NDST4: variants seen among roughly 807,000 people sequenced by gnomAD.
NDST4 encodes the protein N-deacetylase and N-sulfotransferase 4, also known as N-heparan sulfate sulfotransferase 4.
Under a neutral mutation model 100.8 loss-of-function variants are expected in NDST4, and 63 were observed. That is an observed-to-expected ratio of 0.62 (90% CI 0.51 to 0.77). The LOEUF is 0.77. Ranked by LOEUF, NDST4 falls within the 30% of genes least tolerant of loss-of-function variation. The pLI, the probability that NDST4 is intolerant of heterozygous loss-of-function variation, is 0.00. For missense variants in NDST4, 943 were observed against 1,018.4 expected, an observed-to-expected ratio of 0.93 and a Z score of 1.01; for synonymous variants, 377 against 361.8, an observed-to-expected ratio of 1.04 and a Z score of -0.48.
intron 2 of NDST4, among the ~76,000 whole-genome samples, chr4:115,071,102 C>T (rs1428698349): frequency 1.3e-5 from 2 of 150,754 alleles, no homozygotes; most frequent in Admixed American, 1.3e-4. Flanking sequence ...GAGCAAGACT[C>T]CATTTCAAAA....
chr4:115,075,472 C>T (rs1031296783), intron 2 of NDST4, among the ~76,000 whole-genome samples: 3 of 152,024 alleles, frequency 2.0e-5, no homozygotes, highest in Non-Finnish European at 2.9e-5. Flanking sequence ...ATGGTTCTAG[C>T]TGGGATGGGA....
In NDST4 at chr4:115,071,558, T is replaced by C. The variant is rs75025773; in HGVS notation, c.978+4501A>G. On this transcript the variant is annotated intron_variant, in intron 2 of 13. Coordinates refer to ENST00000264363, the MANE Select transcript of NDST4 (RefSeq NM_022569.3). ...ATTTCAAATTCAAATAGGTATTTCA[T>C]ATGAATTGAAATATATATGAAATAC... Among the ~76,000 whole-genome samples, 29 of 152,270 alleles carry C rather than the reference T, an allele frequency of 1.9e-4. No homozygotes were observed. The East Asian group carries it at 5.0e-3, about 26-fold the overall frequency.
At chr4:114,854,034 G>T (rs1723736620) in intron 7 of NDST4, among the ~76,000 whole-genome samples, 1 of 151,932 alleles carries the variant, frequency 6.6e-6, no homozygotes, top group African/African-American at 2.4e-5. Context: ...TAGTCACCTT[G>T]TTGTGCTGTT....
intron 2 of NDST4, among the ~76,000 whole-genome samples, chr4:115,064,536 A>T (rs1053515087): frequency 6.6e-6 from 1 of 152,074 alleles, no homozygotes; most frequent in African/African-American, 2.4e-5. Context: ...GGAGTTCCAA[A>T]TTCCAAATTC....
Position 115,076,127 on chromosome 4 carries a change from T to G in NDST4, c.910A>C (p.Ile304Leu). The change falls in exon 2 of 14, where the codon ATC becomes CTC. Residue 304 changes from isoleucine to leucine, a missense_variant. By Grantham distance (5) the Ile-to-Leu change is conservative. Transcript: ENST00000264363. ...AATATATCATCAATGTCCACAAGGATGTACCTGTCCAAGGACAATGTCAGC... is the reference window on the plus strand; with the variant it reads ...AATATATCATCAATGTCCACAAGGAGGTACCTGTCCAAGGACAATGTCAGC... ...KRLTLSLDRY[I>L]LVDIDDIFVG... 1 of 1,613,966 alleles carries G rather than the reference T, an allele frequency of 6.2e-7. No homozygotes were observed. Among genetic ancestry groups the G allele is most frequent in the African/African-American group, 1.3e-5 (1 of 75,062 alleles).
chr4:114,929,149 T>TATCTATC (rs1725458944), intron 6 of NDST4, among the ~76,000 whole-genome samples: 2 of 151,760 alleles, frequency 1.3e-5, no homozygotes, highest in African/African-American at 4.8e-5. Context: ...TCTATCTATC[T>TATCTATC]ATCTATCTAT....
At chr4:114,960,001 T>A (rs1267485361) in intron 4 of NDST4, among the ~76,000 whole-genome samples, 1 of 152,134 alleles carries the variant, frequency 6.6e-6, no homozygotes, top group Non-Finnish European at 1.5e-5. Context: ...CATAAAAATT[T>A]TGAAAACAAA....
chr4:114,893,643 C>T (rs982765553), intron 6 of NDST4, among the ~76,000 whole-genome samples: 1 of 151,798 alleles, frequency 6.6e-6, no homozygotes, highest in East Asian at 1.9e-4. Flanking sequence ...GATATTAGAC[C>T]TCTGTCATAT....
intron 6 of NDST4, among the ~76,000 whole-genome samples, chr4:114,898,227 T>G (rs1426691949): frequency 6.6e-6 from 1 of 152,212 alleles, no homozygotes; most frequent in Admixed American, 6.5e-5. Context: ...TTTGGGTTAA[T>G]TTTTGTGAAG....
At position 114,833,585 on chromosome 4, in the gene NDST4, C is replaced by G. The variant is rs376815006; in HGVS notation, c.2396+21G>C. 4 of 1,460,768 alleles carry G rather than the reference C, an allele frequency of 2.7e-6. No individual in the cohort carries two copies. In the African/African-American group the frequency reaches 5.6e-5, roughly 20 times the overall value. 90.5% of individuals were successfully genotyped at this position (1,460,768 alleles called of 1,614,324 possible). A position where few individuals can be genotyped will look rare whatever the true frequency, so the allele number is the denominator to read the frequency against. ...TGATGGCAAATAATGGAAATGAAATCAAGCATGACAATAGACTCACGTTAG... is the reference window on the plus strand; with the variant it reads ...TGATGGCAAATAATGGAAATGAAATGAAGCATGACAATAGACTCACGTTAG... On this transcript the variant is annotated intron_variant, in intron 12 of 13. Transcript: ENST00000264363.
intron 3 of NDST4, among the ~76,000 whole-genome samples, chr4:114,974,857 A>G (rs988579058): frequency 2.0e-5 from 3 of 152,100 alleles, no homozygotes; most frequent in African/African-American, 4.8e-5. Flanking sequence ...TGCAGAATCA[A>G]TCATTATTAC....
At position 114,987,259 on chromosome 4, in the gene NDST4, A is replaced by G. The variant is rs187966481; in HGVS notation, c.979-9985T>C. 4.1e-4 allele frequency among the ~76,000 whole-genome samples: 63 copies of G among 152,306 alleles called. 1 individual carries two copies. Among genetic ancestry groups the G allele is most frequent in the Admixed American group, 3.4e-3 (52 of 15,298 alleles). On this transcript the variant is annotated intron_variant, in intron 2 of 13. Transcript: ENST00000264363. ...GGAGACAAGGAGTTTATAACACAAA[A>G]TATCCCCAAGAATTCTCAGAAAGGA...
intron 3 of NDST4, among the ~76,000 whole-genome samples, chr4:114,973,141 C>A (rs570196740): frequency 1.3e-5 from 2 of 152,084 alleles, no homozygotes; most frequent in African/African-American, 2.4e-5. Flanking sequence ...GATTTCAAAT[C>A]CAACTAGATG....
intron 6 of NDST4, among the ~76,000 whole-genome samples, chr4:114,914,473 A>G (rs1725127499): frequency 6.6e-6 from 1 of 152,124 alleles, no homozygotes; most frequent in African/African-American, 2.4e-5. Context: ...AAATTAAAAT[A>G]TAAAATTAAA....
At chr4:114,959,056 TAAAATATAGCA>T (rs560469497) in intron 4 of NDST4, among the ~76,000 whole-genome samples, 1 of 152,282 alleles carries the variant, frequency 6.6e-6, no homozygotes, top group Admixed American at 6.5e-5. Flanking sequence ...AGTCTCTTCC[TAAAATATAGCA>T]AAAATCACCT....
At chr4:115,072,053 A>G (rs1382114803) in intron 2 of NDST4, among the ~76,000 whole-genome samples, 2 of 152,124 alleles carry the variant, frequency 1.3e-5, no homozygotes, top group Non-Finnish European at 2.9e-5. Flanking sequence ...AAACTGCTCA[A>G]ATCTAAGGAA....
Position 115,076,380 on chromosome 4 carries a change from G to A in NDST4, c.657C>T (p.Asp219=). 1.9e-6 allele frequency: 3 copies of A among 1,613,962 alleles called. No homozygotes were observed. Among genetic ancestry groups the A allele is most frequent in the South Asian group, 1.1e-5 (1 of 91,090 alleles). The change falls in exon 2 of 14, where the codon GAC becomes GAT. Residue 219 remains aspartate, a synonymous_variant. Transcript: ENST00000264363. Reference sequence around the variant, plus strand: ...AATGATTATATTGGAAAATAGTCCAGTCTTCCCCAGGAAGAGGGCCTTTCT... The same window carrying A: ...AATGATTATATTGGAAAATAGTCCAATCTTCCCCAGGAAGAGGGCCTTTCT... The part of the protein sequence containing the change: ...KVEKGPLPGE[D]WTIFQYNHST...
At chr4:114,948,352 T>C (rs112033976) in intron 4 of NDST4, among the ~76,000 whole-genome samples, 160 of 150,370 alleles carry the variant, frequency 1.1e-3, no homozygotes, top group African/African-American at 3.6e-3. Flanking sequence ...CTTAAAATAA[T>C]GATTGTTTGC....
At chr4:114,845,682 C>A in intron 10 of NDST4, 141 bp downstream of exon 10, 1 of 651,386 alleles carries the variant, frequency 1.5e-6, no homozygotes. Flanking sequence ...TCATATTTCT[C>A]ATATTTTTTG....
Sources: gnomAD v4.1 joint callset for allele counts (sites outside exome capture counted in the v4.1 genomes callset) on GRCh38, gnomAD v4.1.1 for gene constraint, MANE v1.5 for transcripts, NCBI Gene and HGNC (gene_info 2026-07-23, HGNC 2026-07-21) for gene names.